LYPD4: variants seen among roughly 807,000 people sequenced by gnomAD.
LYPD4 encodes LY6/PLAUR domain containing 4.
A neutral mutation model predicts 18.2 loss-of-function variants in LYPD4; 20 were observed. That is an observed-to-expected ratio of 1.10 (90% CI 0.77 to 1.59). LYPD4 has a LOEUF of 1.59. Ranked by LOEUF, LYPD4 falls within the 40% of genes most tolerant of loss-of-function variation. The pLI is 0.00. For synonymous variants in LYPD4, 111 were observed against 118.3 expected (o/e 0.94, Z 0.40); for missense variants, 278 against 300.3 (o/e 0.93, Z 0.55).
Position 41,839,282 on chromosome 19 carries a change from C to T in LYPD4, c.4G>A (p.Gly2Arg), listed in dbSNP as rs1555832621. The part of the protein sequence containing the change: M[G>R]PQHLRLVQLF... ...TGCACAAGTCTCAAATGCTGGGGTC[C>T]CATGGCCCTGTGTCTGGGTCCTGGG... The change falls in exon 2 of 5, where the codon GGA becomes AGA. Residue 2 changes from glycine (G) to arginine (R), a missense_variant. Coordinates refer to ENST00000609812, the MANE Select transcript of LYPD4 (RefSeq NM_173506.7). 1 of 1,614,176 alleles carries T rather than the reference C, an allele frequency of 6.2e-7. No homozygotes were observed. Among genetic ancestry groups the T allele is most frequent in the East Asian group, 2.2e-5 (1 of 44,878 alleles).
Position 41,837,266 on chromosome 19 carries a change from C to T in LYPD4, c.618G>A (p.Gly206=), listed in dbSNP as rs782731882. The T allele has an allele frequency of 4.3e-6, 7 of 1,614,018 alleles. No homozygotes were observed. The highest frequency in any genetic ancestry group is 5.9e-6 in the Non-Finnish European group (7 of 1,179,964). Residue 206 remains glycine (G), a synonymous_variant, in exon 5 of 5, where the codon GGG becomes GGA. Transcript: ENST00000609812. ...TGAGGACCTCAGTCACTTTGATGCT[C>T]CCAATATGATGAAAATCTGCTAAAA... ...NQLLADFHHI[G]SIKVTEVLNI... is the part of the protein sequence containing the mutation.
In LYPD4 at chr19:41,838,150, C is replaced by T. The variant is rs782770551; in HGVS notation, c.323G>A (p.Arg108His). 7.0e-5 allele frequency: 113 copies of T among 1,612,052 alleles called. No homozygotes were observed. Among genetic ancestry groups the T allele is most frequent in the Non-Finnish European group, 9.0e-5 (106 of 1,178,664 alleles). ...GTTGCAGAGATAAGACCGGCAGACGCGACTGTAGGAGGCAATGGACACTCC... is the reference window on the plus strand; with the variant it reads ...GTTGCAGAGATAAGACCGGCAGACGTGACTGTAGGAGGCAATGGACACTCC... ...PPGVSIASYS[R>H]VCRSYLCNNL... The change falls in exon 4 of 5, where the codon CGC (arginine) becomes CAC (histidine). Residue 108 changes from arginine to histidine, a missense_variant. By Grantham distance (29) the Arg-to-His change is conservative. Coordinates refer to ENST00000609812, the MANE Select transcript of LYPD4 (RefSeq NM_173506.7).
At chr19:41,837,898 A>G (rs1555831000) in intron 4 of LYPD4, 37 bp downstream of exon 4, 3 of 1,544,544 alleles carry the variant, frequency 1.9e-6, no homozygotes, top group Non-Finnish European at 2.6e-6. Flanking sequence ...CCTGGCAGAG[A>G]GTAGGCATTT....
At chr19:41,839,919 C>T (rs1162924627) in intron 1 of LYPD4, among the ~76,000 whole-genome samples, 2 of 151,610 alleles carry the variant, frequency 1.3e-5, no homozygotes, top group Non-Finnish European at 2.9e-5. Context: ...GGTGGTGGCA[C>T]GAGCCTATAG....
chr19:41,838,314 G>A, intron 3 of LYPD4, 53 bp from the exon 4 acceptor site: 1 of 1,424,438 alleles, frequency 7.0e-7, no homozygotes, highest in East Asian at 2.5e-5. Context: ...GCCTCACCCA[G>A]AGTCCTCCCT....
intron 1 of LYPD4, among the ~76,000 whole-genome samples, chr19:41,843,006 T>C (rs2073666060): frequency 8.4e-6 from 1 of 119,430 alleles, no homozygotes; most frequent in Non-Finnish European, 1.6e-5. Flanking sequence ...TGGACCAGCC[T>C]GGTTAATATG....
At chr19:41,840,435 T>A (rs1026408538) in intron 1 of LYPD4, among the ~76,000 whole-genome samples, 5 of 152,198 alleles carry the variant, frequency 3.3e-5, no homozygotes, top group Non-Finnish European at 7.3e-5. Context: ...TATGGTTATA[T>A]AAGATGCCCC....
intron 1 of LYPD4, among the ~76,000 whole-genome samples, chr19:41,841,338 T>C (rs1200847539): frequency 6.6e-6 from 1 of 150,862 alleles, no homozygotes; most frequent in Non-Finnish European, 1.5e-5. Context: ...GGGCAACACC[T>C]TGTCTATACC....
At chr19:41,839,729 C>G (rs1311482033) in intron 1 of LYPD4, 2 of 150,628 alleles carry the variant, frequency 1.3e-5, no homozygotes, top group African/African-American at 5.0e-5. Context: ...ACTAAATAAC[C>G]CTTGGTTCAA....
At position 41,839,400 on chromosome 19, in the gene LYPD4, CTG is replaced by C; in HGVS notation, c.-117_-116del. The C allele has an allele frequency of 2.0e-6, 2 of 985,854 alleles. No homozygotes were observed. The highest frequency in any genetic ancestry group is 3.2e-6 in the Non-Finnish European group (2 of 632,638). The allele number at this position is 985,854 out of a possible 1,614,324, so 61.1% of individuals were successfully genotyped here. A position where few individuals can be genotyped will look rare whatever the true frequency, so the allele number is the denominator to read the frequency against. Reference sequence around the variant, plus strand: ...TCTTTGTCCACCTGTCTCTGGGTCACTGTTTCTGGAGCAGAAAGTTGATTGCA... The same window carrying C: ...TCTTTGTCCACCTGTCTCTGGGTCACTTTCTGGAGCAGAAAGTTGATTGCA... On this transcript the variant is annotated 5_prime_UTR_variant, in exon 2 of 5. Transcript: ENST00000609812.
Position 41,843,614 on chromosome 19 carries a change from C to T in LYPD4, c.-157G>A. 1 of 152,048 alleles carries T rather than the reference C, an allele frequency of 6.6e-6. No homozygotes were observed. The highest frequency in any genetic ancestry group is 1.5e-5 in the Non-Finnish European group (1 of 68,018). The allele number at this position is 152,048 out of a possible 1,614,324, so 9.4% of individuals were successfully genotyped here. On this transcript the variant is annotated 5_prime_UTR_variant, in exon 1 of 5. Transcript: ENST00000609812. ...TATCTAGGACAGCTCCCCTGCCCAG[C>T]AGTCCAGCTAGAGGTCACGTCGGCC...
At chr19:41,840,247 C>A (rs1555832957) in intron 1 of LYPD4, among the ~76,000 whole-genome samples, 1 of 151,940 alleles carries the variant, frequency 6.6e-6, no homozygotes, top group Non-Finnish European at 1.5e-5. Context: ...GGCATCACGA[C>A]AAAATGCCAT....
At chr19:41,837,046 G>A, downstream of LYPD4, 1 of 1,561,302 alleles carries the variant, frequency 6.4e-7, no homozygotes, top group Non-Finnish European at 8.7e-7. Flanking sequence ...CCTCACCCCT[G>A]CTCTCTCATG....
At position 41,838,298 on chromosome 19, in the gene LYPD4, T is replaced by C. The variant is rs782418169; in HGVS notation, c.212-37A>G. ...AGGATTGAGAGAGCTCAGATCAGTG[T>C]CACTGGCCTCACCCAGAGTCCTCCC... On this transcript the variant is annotated intron_variant, in intron 3 of 4. Coordinates refer to ENST00000609812, the MANE Select transcript of LYPD4 (RefSeq NM_173506.7). 7.5e-6 allele frequency: 11 copies of C among 1,472,128 alleles called. No homozygotes were observed. In the East Asian group the frequency reaches 9.6e-5, roughly 13 times the overall value. The allele number at this position is 1,472,128 out of a possible 1,614,324, so 91.2% of individuals were successfully genotyped here.
At position 41,838,932 on chromosome 19, in the gene LYPD4, C is replaced by T. The variant is rs1555832242; in HGVS notation, c.160G>A (p.Val54Met). Residue 54 changes from valine (V) to methionine (M), a missense_variant, in exon 3 of 5, where the codon GTG becomes ATG. Coordinates refer to ENST00000609812, the MANE Select transcript of LYPD4 (RefSeq NM_173506.7). ...TCGCAGCCCTCTTGCAGCTTACACA[C>T]CATGTTCCTCATCAGAAGCCACTTC... ...NWKWLLMRNM[V>M]CKLQEGCEET... 2.5e-6 allele frequency: 4 copies of T among 1,613,970 alleles called. No homozygotes were observed. In the South Asian group the frequency reaches 4.4e-5, roughly 18 times the overall value.
downstream of LYPD4, among the ~76,000 whole-genome samples, chr19:41,836,141 G>C (rs550312126): frequency 6.6e-6 from 1 of 151,178 alleles, no homozygotes; most frequent in Admixed American, 6.6e-5. Flanking sequence ...GCATGAAGTT[G>C]CAGGGTGAGT....
Position 41,839,677 on chromosome 19 carries a change from GTGT to G in LYPD4, c.-120-275_-120-273del, listed in dbSNP as rs1419573889. The G allele has an allele frequency of 1.3e-4, 28 of 220,118 alleles. 1 individual carries two copies. The highest frequency in any genetic ancestry group is 5.7e-4 in the African/African-American group (23 of 40,208). 13.6% of individuals were successfully genotyped at this position (220,118 alleles called of 1,614,324 possible). On this transcript the variant is annotated intron_variant, in intron 1 of 4. Transcript: ENST00000609812. ...ACAAATAGATGTTTCAAACTCGTGT[GTGT>G]TGTGTGTGTGTGTGTGTGTGTGTGT...
At chr19:41,843,059 AAAAAAAAAAAAAAAAAAACC>A (rs2073682482) in intron 1 of LYPD4, among the ~76,000 whole-genome samples, 4 of 54,440 alleles carry the variant, frequency 7.3e-5, no homozygotes, top group African/African-American at 7.8e-5. Context: ...AAAAAAAAAA[AAAAAAAAAAAAAAAAAAACC>A]CCAACAACAA....
At position 41,837,095 on chromosome 19, in the gene LYPD4, ATTTGT is replaced by A. The variant is rs1555830547; in HGVS notation, c.*43_*47del. On this transcript the variant is annotated 3_prime_UTR_variant, in exon 5 of 5. Transcript: ENST00000609812. ...TGCAGAAAGGGAACTCTGCTATTTT[ATTTGT>A]TATGTGAAAGAGTCTGGGTGCTTGT... 1 of 1,611,230 alleles carries A rather than the reference ATTTGT, an allele frequency of 6.2e-7. No homozygotes were observed.
Sources: gnomAD v4.1 joint callset for allele counts (sites outside exome capture counted in the v4.1 genomes callset) on GRCh38, gnomAD v4.1.1 for gene constraint, MANE v1.5 for transcripts, NCBI Gene and HGNC (gene_info 2026-07-23, HGNC 2026-07-21) for gene names.